Variants in TF observed in about 807,000 individuals in gnomAD.
TF encodes the protein serotransferrin.
TF carries 55 observed loss-of-function variants against 82.4 expected under a neutral mutation model. The ratio of observed to expected loss-of-function variants is 0.67; its 90% CI spans 0.54 to 0.84. The LOEUF (loss-of-function observed/expected upper bound fraction) is 0.84, where lower values mean the gene tolerates loss of function less well. Among genes scored for constraint, TF ranks in the 40% least tolerant of loss-of-function variants. The pLI is 0.00. For synonymous variants in TF, 332 were observed against 332.6 expected, an observed-to-expected ratio of 1.00 and a Z score of 0.02; for missense variants, 737 against 868.4, an observed-to-expected ratio of 0.85 and a Z score of 1.90.
At chr3:133,683,836 T>C in the TF span, among the ~76,000 whole-genome samples, 1 of 152,096 alleles carries the variant, frequency 6.6e-6, no homozygotes, top group African/African-American at 2.4e-5. Context: ...TGAACTCAGC[T>C]CTGCACCAAG....
chr3:133,711,176 G>A, the TF span, among the ~76,000 whole-genome samples: 1 of 152,090 alleles, frequency 6.6e-6, no homozygotes, highest in Non-Finnish European at 1.5e-5. Flanking sequence ...AATCTCAACG[G>A]AATCCCCAAG....
chr3:133,764,168 C>A lies in TF; in HGVS notation c.1204-14C>A, dbSNP rs1406126776. ...GCCTCTTTTCATCTGCTGTGATTTGCTGTGTCTTTGCAGAATGGAGAAGCT... is the reference window on the plus strand; with the variant it reads ...GCCTCTTTTCATCTGCTGTGATTTGATGTGTCTTTGCAGAATGGAGAAGCT... On this transcript the variant is annotated splice_polypyrimidine_tract_variant and intron_variant, in intron 9 of 16. Transcript: ENST00000402696. The A allele has an allele frequency of 6.7e-5, 108 of 1,611,470 alleles. No individual in the cohort carries two copies. Among genetic ancestry groups the A allele is most frequent in the Non-Finnish European group, 9.1e-5 (107 of 1,177,880 alleles).
chr3:133,674,211 C>T, the TF span, among the ~76,000 whole-genome samples: 1 of 152,198 alleles, frequency 6.6e-6, no homozygotes, highest in Non-Finnish European at 1.5e-5. Flanking sequence ...CGTTTAGGAG[C>T]TGCTGGGCTA....
chr3:133,784,417 G>A lies in TF; in HGVS notation c.*5797G>A, dbSNP rs1336044606. The A allele has an allele frequency of 1.3e-5, 2 of 149,600 alleles. No individual in the cohort carries two copies. The highest frequency in any genetic ancestry group is 3.0e-5 in the Non-Finnish European group (2 of 67,724). The allele number at this position is 149,600 out of a possible 1,614,324, so 9.3% of individuals were successfully genotyped here. ...GCCGTTCTAGGTGTAAAGAGGTTGT[G>A]ACTTATGATAGAGTTAGAAAATCAC... On this transcript the variant is annotated 3_prime_UTR_variant, in exon 17 of 17. Coordinates refer to ENST00000402696, the MANE Select transcript of TF (RefSeq NM_001063.4).
chr3:133,686,768 A>G, the TF span, among the ~76,000 whole-genome samples: 1 of 152,242 alleles, frequency 6.6e-6, no homozygotes, highest in East Asian at 1.9e-4. Context: ...CAGTTCAGCC[A>G]TTGTGGAAGA....
chr3:133,788,949 G>A lies in TF; in HGVS notation c.*10329G>A, dbSNP rs1399985345. On this transcript the variant is annotated 3_prime_UTR_variant, in exon 17 of 17. Transcript: ENST00000402696. ...GGAACAGGAAGCATGGGATAATGTG[G>A]CCTTATCAAATTATAAGGATGCTAA... The A allele has an allele frequency of 6.6e-6, 1 of 152,228 alleles. No individual in the cohort carries two copies. The highest frequency in any genetic ancestry group is 2.4e-5 in the African/African-American group (1 of 41,450). The allele number at this position is 152,228 out of a possible 1,614,324, so 9.4% of individuals were successfully genotyped here.
the TF span, among the ~76,000 whole-genome samples, chr3:133,693,519 G>A: frequency 6.6e-6 from 1 of 152,348 alleles, no homozygotes; most frequent in South Asian, 2.1e-4. Flanking sequence ...ACAGGGACAA[G>A]TGACTGCAGG....
chr3:133,755,926 T>G (rs1559870673), intron 5 of TF: 1 of 437,696 alleles, frequency 2.3e-6, no homozygotes. Flanking sequence ...ATTTCTTGCT[T>G]TCTCTTTTTA....
At chr3:133,706,645 A>G in the TF span, among the ~76,000 whole-genome samples, 1 of 152,134 alleles carries the variant, frequency 6.6e-6, no homozygotes, top group African/African-American at 2.4e-5. Context: ...GAATTCCCTG[A>G]GGTGAAAACC....
At chr3:133,722,409 A>T in the TF span, among the ~76,000 whole-genome samples, 7 of 152,112 alleles carry the variant, frequency 4.6e-5, no homozygotes, top group African/African-American at 1.7e-4. Flanking sequence ...TTTACATTCA[A>T]AGGCTGTTAC....
Position 133,778,080 on chromosome 3 carries a change from G to A in TF, c.2063-506G>A, listed in dbSNP as rs186637879. The A allele has an allele frequency of 8.4e-5, 14 of 166,542 alleles. No homozygotes were observed. The East Asian group carries it at 2.0e-3, about 24-fold the overall frequency. The allele number at this position is 166,542 out of a possible 1,614,324, so 10.3% of individuals were successfully genotyped here. On this transcript the variant is annotated intron_variant, in intron 16 of 16. Coordinates refer to ENST00000402696, the MANE Select transcript of TF (RefSeq NM_001063.4). ...AAAGCTGCCCCCATGTAATTCTGAC[G>A]GAAGCAGCAATGTGCTTGTCTAGGT...
chr3:133,686,085 C>G, the TF span, among the ~76,000 whole-genome samples: 1 of 152,094 alleles, frequency 6.6e-6, no homozygotes, highest in South Asian at 2.1e-4. Flanking sequence ...CTGACAAAAA[C>G]AAGAAATGGG....
intron 9 of TF, 54 bp downstream of exon 9, chr3:133,759,383 C>T: frequency 1.2e-6 from 2 of 1,603,188 alleles, no homozygotes; most frequent in South Asian, 1.1e-5. Flanking sequence ...TGCCTGCTGG[C>T]CCCCAAGACT....
chr3:133,736,631 CAAAAAA>C, the TF span, among the ~76,000 whole-genome samples: 350 of 32,594 alleles, frequency 0.011, 10 homozygotes, highest in African/African-American at 0.042. Context: ...AATGGAAAGC[CAAAAAA>C]AAAAAAAAAA....
chr3:133,675,775 G>A, the TF span, among the ~76,000 whole-genome samples: 1 of 152,162 alleles, frequency 6.6e-6, no homozygotes, highest in Admixed American at 6.5e-5. Flanking sequence ...TTTTGCCCCT[G>A]ACTTCTCACT....
upstream of TF, chr3:133,746,127 C>T: frequency 2.1e-6 from 1 of 486,440 alleles, no homozygotes; most frequent in Non-Finnish European, 3.8e-6. Context: ...CCGCCGTAGC[C>T]GCTCCTGGCA....
At chr3:133,681,487 G>A in the TF span, among the ~76,000 whole-genome samples, 7 of 152,190 alleles carry the variant, frequency 4.6e-5, no homozygotes, top group African/African-American at 1.7e-4. Flanking sequence ...CTGGAAAATC[G>A]GGTCACTCCC....
chr3:133,720,059 C>T, the TF span, among the ~76,000 whole-genome samples: 3 of 152,060 alleles, frequency 2.0e-5, no homozygotes, highest in African/African-American at 4.8e-5. Context: ...AATTTGACTT[C>T]CCTCTTTCCA....
At chr3:133,712,415 C>T in the TF span, among the ~76,000 whole-genome samples, 77 of 152,326 alleles carry the variant, frequency 5.1e-4, no homozygotes, top group African/African-American at 1.7e-3. Context: ...GATGCCACTG[C>T]CCTGTGCTGG....
Sources: gnomAD v4.1 joint callset for allele counts (sites outside exome capture counted in the v4.1 genomes callset) on GRCh38, gnomAD v4.1.1 for gene constraint, MANE v1.5 for transcripts, NCBI Gene and HGNC (gene_info 2026-07-23, HGNC 2026-07-21) for gene names.